TOM1L1: variants seen among roughly 807,000 people sequenced by gnomAD.
The protein encoded by TOM1L1 is target of myb1 like 1 membrane trafficking protein, also known as TOM1-like protein 1.
Under a neutral mutation model 63.4 loss-of-function variants are expected in TOM1L1, and 64 were observed. That is an observed-to-expected ratio of 1.01 (90% CI 0.83 to 1.24). TOM1L1 has a LOEUF of 1.24. Ranked by LOEUF, TOM1L1 falls within the 50% of genes most tolerant of loss-of-function variation. The pLI is 0.00. For missense variants in TOM1L1, 536 were observed against 567.0 expected (o/e 0.95, Z 0.55); for synonymous variants, 166 against 194.4 (o/e 0.85, Z 1.22).
At chr17:54,904,657 A>C (rs1250278112) in intron 2 of TOM1L1, among the ~76,000 whole-genome samples, 4 of 152,218 alleles carry the variant, frequency 2.6e-5, no homozygotes. Context: ...TAAACTTCTT[A>C]AACTTTCGAG....
chr17:54,914,713 G>A lies in TOM1L1; in HGVS notation c.573G>A (p.Lys191=). ...CTCTTTCTTCTGTAATTGCTCCAAA[G>A]AACTCGACTGTTACATTGGTCCCAG... The part of the protein sequence containing the change: ...APALSSVIAP[K]NSTVTLVPEQ... Residue 191 remains lysine (K), a synonymous_variant, in exon 6 of 16, where the codon AAG becomes AAA. Coordinates refer to ENST00000575882, the MANE Select transcript of TOM1L1 (RefSeq NM_005486.3). 1 of 1,613,578 alleles carries A rather than the reference G, an allele frequency of 6.2e-7. No homozygotes were observed. The highest frequency in any genetic ancestry group is 8.5e-7 in the Non-Finnish European group (1 of 1,179,592).
chr17:54,945,770 T>G (rs889982260), intron 11 of TOM1L1, among the ~76,000 whole-genome samples: 21 of 151,312 alleles, frequency 1.4e-4, no homozygotes, highest in Admixed American at 2.0e-4. Flanking sequence ...ATTTTTCAGG[T>G]TTTTTTTTCT....
At position 54,930,055 on chromosome 17, in the gene TOM1L1, C is replaced by CT. The variant is rs750311206; in HGVS notation, c.721-17dup. On this transcript the variant is annotated splice_polypyrimidine_tract_variant and intron_variant, in intron 7 of 15. Coordinates refer to ENST00000575882, the MANE Select transcript of TOM1L1 (RefSeq NM_005486.3). ...GTTCCAAGTGTGGAAGAAGAAATCT[C>CT]TCTCCTTTCTTTGACAGAAACTCTA... is the stretch of plus-strand genomic sequence containing the variant. 7.4e-6 allele frequency: 12 copies of CT among 1,613,746 alleles called. No individual in the cohort carries two copies. Among genetic ancestry groups the CT allele is most frequent in the Non-Finnish European group, 1.0e-5 (12 of 1,179,876 alleles).
At chr17:54,926,849 C>T (rs2048777619) in intron 7 of TOM1L1, among the ~76,000 whole-genome samples, 1 of 152,168 alleles carries the variant, frequency 6.6e-6, no homozygotes. Context: ...GGAAGGAGAA[C>T]TTCTTTCTCA....
intron 7 of TOM1L1, among the ~76,000 whole-genome samples, chr17:54,928,559 A>C (rs1311595223): frequency 6.6e-6 from 1 of 152,220 alleles, no homozygotes; most frequent in Non-Finnish European, 1.5e-5. Flanking sequence ...TTATTAGAAC[A>C]TGGCCACACC....
Position 54,922,287 on chromosome 17 carries a change from T to TTGC in TOM1L1, c.720+6425_720+6426insTGC, listed in dbSNP as rs2048697437. 1.3e-5 allele frequency among the ~76,000 whole-genome samples: 2 copies of TTGC among 151,596 alleles called. 1 individual carries two copies. The highest frequency in any genetic ancestry group is 4.2e-4 in the South Asian group (2 of 4,798). ...CAGCCTGGGCAACAGAGCGAGGCTG[T>TTGC]CTCAAAAAAATAAACAAAAAAAGAA... On this transcript the variant is annotated intron_variant, in intron 7 of 15. Coordinates refer to ENST00000575882, the MANE Select transcript of TOM1L1 (RefSeq NM_005486.3).
intron 14 of TOM1L1, among the ~76,000 whole-genome samples, chr17:54,956,437 TG>T (rs1449962233): frequency 6.6e-5 from 10 of 152,052 alleles, no homozygotes; most frequent in African/African-American, 2.4e-4. Context: ...CCTGAGTAGC[TG>T]GGGACTACAA....
chr17:54,923,713 T>G (rs2048720594), intron 7 of TOM1L1, among the ~76,000 whole-genome samples: 1 of 151,684 alleles, frequency 6.6e-6, no homozygotes, highest in Admixed American at 6.6e-5. Context: ...GCCTGGCTAA[T>G]TTTTGTATTT....
intron 7 of TOM1L1, among the ~76,000 whole-genome samples, chr17:54,921,485 A>G (rs1181054832): frequency 2.6e-5 from 4 of 152,166 alleles, no homozygotes; most frequent in Non-Finnish European, 5.9e-5. Flanking sequence ...CACATCTGTA[A>G]TCCCAGCACT....
intron 7 of TOM1L1, among the ~76,000 whole-genome samples, chr17:54,928,016 T>A (rs986449982): frequency 6.6e-6 from 1 of 152,210 alleles, no homozygotes; most frequent in Non-Finnish European, 1.5e-5. Context: ...TGCATTCCCT[T>A]GATCTTGACA....
At chr17:54,921,931 A>G (rs549308216) in intron 7 of TOM1L1, among the ~76,000 whole-genome samples, 79 of 152,150 alleles carry the variant, frequency 5.2e-4, no homozygotes, top group Non-Finnish European at 9.6e-4. Context: ...CGATTCACAC[A>G]TATTATGTAT....
rs183558630 is a variant in TOM1L1 at position 54,948,416 on chromosome 17, T to C, written c.1183-1102T>C. ...CACCCGTCACCTCTCCAGGCTCACCTCCTGCCCCTCTCTACCTTGGCTCAC... is the reference window on the plus strand; with the variant it reads ...CACCCGTCACCTCTCCAGGCTCACCCCCTGCCCCTCTCTACCTTGGCTCAC... On this transcript the variant is annotated intron_variant, in intron 12 of 15. Coordinates refer to ENST00000575882, the MANE Select transcript of TOM1L1 (RefSeq NM_005486.3). Among the ~76,000 whole-genome samples the C allele has an allele frequency of 3.9e-3, 597 of 152,318 alleles. 5 individuals carry two copies. The highest frequency in any genetic ancestry group is 0.014 in the African/African-American group (569 of 41,568).
chr17:54,920,777 G>A (rs1047875357), intron 7 of TOM1L1, among the ~76,000 whole-genome samples: 10 of 152,196 alleles, frequency 6.6e-5, no homozygotes, highest in African/African-American at 9.7e-5. Context: ...CCAAATAACT[G>A]CTGGTTTCCA....
At chr17:54,937,312 A>G (rs1257938238) in intron 10 of TOM1L1, 86 bp downstream of exon 10, 1 of 1,069,386 alleles carries the variant, frequency 9.4e-7, no homozygotes, top group Non-Finnish European at 1.4e-6. Context: ...AATACCACCT[A>G]AGAAGGACTG....
chr17:54,953,677 C>G (rs1180213880), intron 14 of TOM1L1: 2 of 152,384 alleles, frequency 1.3e-5, no homozygotes, highest in African/African-American at 4.8e-5. Flanking sequence ...CATCTTCTTC[C>G]TGGGCTTCCT....
At chr17:54,939,724 T>G (rs1056905035) in intron 11 of TOM1L1, among the ~76,000 whole-genome samples, 3 of 152,100 alleles carry the variant, frequency 2.0e-5, no homozygotes, top group South Asian at 2.1e-4. Context: ...ACTGGGCTAA[T>G]CTAATTTTTA....
At chr17:54,902,818 G>A (rs2048349525) in intron 1 of TOM1L1, among the ~76,000 whole-genome samples, 1 of 152,190 alleles carries the variant, frequency 6.6e-6, no homozygotes, top group South Asian at 2.1e-4. Context: ...TAAAGCGGCT[G>A]TCTGGAGAGG....
chr17:54,928,506 G>T (rs547375058), intron 7 of TOM1L1, among the ~76,000 whole-genome samples: 1 of 152,166 alleles, frequency 6.6e-6, no homozygotes, highest in Non-Finnish European at 1.5e-5. Flanking sequence ...TTACACCAGG[G>T]GTATATAAAG....
intron 2 of TOM1L1, 80 bp downstream of exon 2, chr17:54,903,872 T>C: frequency 7.5e-7 from 1 of 1,335,654 alleles, no homozygotes; most frequent in Non-Finnish European, 1.1e-6. Context: ...TGCAAATATT[T>C]CGGTTTTGTT....
Sources: gnomAD v4.1 joint callset for allele counts (sites outside exome capture counted in the v4.1 genomes callset) on GRCh38, gnomAD v4.1.1 for gene constraint, MANE v1.5 for transcripts, NCBI Gene and HGNC (gene_info 2026-07-23, HGNC 2026-07-21) for gene names.